Variants in TCF24 observed in about 807,000 individuals in gnomAD.
TCF24 encodes transcription factor 24.
In TCF24, 5 loss-of-function variants were observed where a neutral mutation model predicts 9.3. The ratio of observed to expected loss-of-function variants is 0.54; its 90% CI spans 0.28 to 1.13. The LOEUF (loss-of-function observed/expected upper bound fraction) is 1.13. Among genes scored for constraint, TCF24 ranks in the 50% most tolerant of loss-of-function variants. The pLI is 0.09. For synonymous variants in TCF24, 110 were observed against 115.8 expected, an observed-to-expected ratio of 0.95 and a Z score of 0.32; for missense variants, 220 against 236.1, an observed-to-expected ratio of 0.93 and a Z score of 0.45.
Position 66,956,703 on chromosome 8 carries a change from A to G in TCF24, c.390+4673T>C, listed in dbSNP as rs527685111. 4.6e-5 allele frequency among the ~76,000 whole-genome samples: 7 copies of G among 152,298 alleles called. No homozygotes were observed. The East Asian group carries it at 9.7e-4, about 21-fold the overall frequency. The stretch of plus-strand genomic sequence containing the variant: ...GAAACTGGAGTGAGGTTTATCTGAT[A>G]TATCAAGATCTGGCATTGTTATATC... On this transcript the variant is annotated intron_variant, in intron 3 of 3. Transcript: ENST00000563496.
chr8:66,953,580 T>C (rs906080948), intron 3 of TCF24, among the ~76,000 whole-genome samples: 3 of 150,690 alleles, frequency 2.0e-5, no homozygotes, highest in Non-Finnish European at 4.5e-5. Flanking sequence ...TGTCTTGGAG[T>C]TGCTCTTCTC....
chr8:66,953,235 G>A (rs201352392), intron 3 of TCF24, among the ~76,000 whole-genome samples: 9 of 152,034 alleles, frequency 5.9e-5, no homozygotes, highest in African/African-American at 9.7e-5. Context: ...GGCTGGTACC[G>A]GTTGTTCCTT....
At chr8:66,956,082 AC>A (rs1814146897) in intron 3 of TCF24, among the ~76,000 whole-genome samples, 1 of 151,942 alleles carries the variant, frequency 6.6e-6, no homozygotes, top group Non-Finnish European at 1.5e-5. Flanking sequence ...GGTGCGTGCT[AC>A]CACGCTGGGC....
rs1014306479 is a variant in TCF24, at chr8:66,948,233, T to C, written c.391-69A>G. 5.6e-6 allele frequency: 6 copies of C among 1,078,028 alleles called. No homozygotes were observed. The Admixed American group carries it at 1.2e-4, about 21-fold the overall frequency. The allele number at this position is 1,078,028 out of a possible 1,614,324, so 66.8% of individuals were successfully genotyped here. ...TGACATATATTAACATGGTCTACAA[T>C]GTTAAAGATTGTAAATAGCCCAATG... On this transcript the variant is annotated intron_variant, in intron 3 of 3. Transcript: ENST00000563496.
At position 66,948,013 on chromosome 8, in the gene TCF24, A is replaced by G. The variant is rs1314515885; in HGVS notation, c.*38T>C. ...AATTATGTCATAGTATTTAAAAACA[A>G]TAGCCACCACTTCTACCAGCCCCCA... On this transcript the variant is annotated 3_prime_UTR_variant, in exon 4 of 4. Coordinates refer to ENST00000563496, the MANE Select transcript of TCF24 (RefSeq NM_001193502.2). 2 of 1,394,168 alleles carry G rather than the reference A, an allele frequency of 1.4e-6. No homozygotes were observed. The highest frequency in any genetic ancestry group is 2.9e-5 in the African/African-American group (2 of 68,590). 86.4% of individuals were successfully genotyped at this position (1,394,168 alleles called of 1,614,324 possible).
chr8:66,953,734 A>C (rs1191459535), intron 3 of TCF24, among the ~76,000 whole-genome samples: 1 of 152,060 alleles, frequency 6.6e-6, no homozygotes, highest in Non-Finnish European at 1.5e-5. Context: ...CAGGTACACC[A>C]ATCAGACATA....
At chr8:66,959,248 A>G (rs899176213) in intron 3 of TCF24, among the ~76,000 whole-genome samples, 1 of 152,248 alleles carries the variant, frequency 6.6e-6, no homozygotes, top group Non-Finnish European at 1.5e-5. Context: ...GCCTTGAAAT[A>G]TTTGTTAAAA....
At chr8:66,954,086 T>C (rs1347970500) in intron 3 of TCF24, among the ~76,000 whole-genome samples, 2 of 152,252 alleles carry the variant, frequency 1.3e-5, no homozygotes, top group Non-Finnish European at 2.9e-5. Context: ...GAAGCCTTCT[T>C]CTCTCAGCTC....
At chr8:66,956,088 C>T (rs539321294) in intron 3 of TCF24, among the ~76,000 whole-genome samples, 1 of 152,064 alleles carries the variant, frequency 6.6e-6, no homozygotes, top group Admixed American at 6.5e-5. Context: ...TGCTACCACG[C>T]TGGGCTAATT....
intron 3 of TCF24, among the ~76,000 whole-genome samples, chr8:66,957,442 ATCTC>A (rs373028556): frequency 1.1e-3 from 169 of 149,158 alleles, no homozygotes; most frequent in Middle Eastern, 3.5e-3. Context: ...AAAAAGAGGA[ATCTC>A]TCTCTCTCTG....
chr8:66,959,022 A>G (rs891202236), intron 3 of TCF24, among the ~76,000 whole-genome samples: 1 of 152,216 alleles, frequency 6.6e-6, no homozygotes, highest in Non-Finnish European at 1.5e-5. Context: ...CCAGGCATGC[A>G]GTGGTGCAAT....
At chr8:66,952,613 G>A (rs1490305576) in intron 3 of TCF24, among the ~76,000 whole-genome samples, 12 of 151,174 alleles carry the variant, frequency 7.9e-5, no homozygotes, top group Non-Finnish European at 1.5e-4. Context: ...TATTAGGTCC[G>A]CTTGGAGCAG....
intron 3 of TCF24, 21 bp downstream of exon 3, chr8:66,961,355 C>T (rs1233892221): frequency 7.0e-7 from 1 of 1,435,722 alleles, no homozygotes; most frequent in Non-Finnish European, 9.1e-7. Context: ...CCCAGCCCCG[C>T]GGTGCGCCCC....
At chr8:66,954,679 G>A (rs1457822209) in intron 3 of TCF24, among the ~76,000 whole-genome samples, 6 of 152,268 alleles carry the variant, frequency 3.9e-5, no homozygotes, top group South Asian at 2.1e-4. Flanking sequence ...AATGGCGGGC[G>A]CCCCTCCCCC....
chr8:66,947,974 T>C lies in TCF24; in HGVS notation c.*77A>G. The C allele has an allele frequency of 9.3e-7, 1 of 1,076,864 alleles. No individual in the cohort carries two copies. Among genetic ancestry groups the C allele is most frequent in the Non-Finnish European group, 1.3e-6 (1 of 779,464 alleles). The allele number at this position is 1,076,864 out of a possible 1,614,324, so 66.7% of individuals were successfully genotyped here. A position where few individuals can be genotyped will look rare whatever the true frequency, so the allele number is the denominator to read the frequency against. ...CTTTCAGAAATTTTGTTATGTCTCATATAATAAATATAGAATTATGTCATA... is the reference window on the plus strand; with the variant it reads ...CTTTCAGAAATTTTGTTATGTCTCACATAATAAATATAGAATTATGTCATA... On this transcript the variant is annotated 3_prime_UTR_variant, in exon 4 of 4. Coordinates refer to ENST00000563496, the MANE Select transcript of TCF24 (RefSeq NM_001193502.2).
intron 3 of TCF24, among the ~76,000 whole-genome samples, chr8:66,952,502 G>C (rs1345820190): frequency 1.4e-5 from 2 of 147,862 alleles, no homozygotes; most frequent in Admixed American, 6.8e-5. Context: ...GCTGAGGAGA[G>C]CTTTACTTCC....
At chr8:66,961,325 C>G in intron 3 of TCF24, 51 bp downstream of exon 3, 1 of 1,393,310 alleles carries the variant, frequency 7.2e-7, no homozygotes, top group Non-Finnish European at 9.3e-7. Context: ...CAGGGCAGAT[C>G]AAGGTGTCCT....
chr8:66,959,842 A>G (rs532119738), intron 3 of TCF24, among the ~76,000 whole-genome samples: 1 of 152,350 alleles, frequency 6.6e-6, no homozygotes, highest in Non-Finnish European at 1.5e-5. Flanking sequence ...AAAAACAGTT[A>G]TGATTACAAA....
At chr8:66,958,389 C>T (rs1354084722) in intron 3 of TCF24, among the ~76,000 whole-genome samples, 1 of 152,082 alleles carries the variant, frequency 6.6e-6, no homozygotes, top group African/African-American at 2.4e-5. Context: ...TAGAACTGAA[C>T]CTGAAACTGA....
Sources: gnomAD v4.1 joint callset for allele counts (sites outside exome capture counted in the v4.1 genomes callset) on GRCh38, gnomAD v4.1.1 for gene constraint, MANE v1.5 for transcripts, NCBI Gene and HGNC (gene_info 2026-07-23, HGNC 2026-07-21) for gene names.